Variants in LARP4B observed in about 807,000 individuals in gnomAD.
The protein encoded by LARP4B is la-related protein 4B.
A neutral mutation model predicts 89.8 loss-of-function variants in LARP4B; 12 were observed. The observed-to-expected ratio is 0.13, with a 90% CI of 0.09 to 0.22. The LOEUF (loss-of-function observed/expected upper bound fraction) is 0.22. Among genes scored for constraint, LARP4B ranks in the 10% least tolerant of loss-of-function variants. LARP4B has a pLI of 1.00. For synonymous variants in LARP4B, 367 were observed against 363.3 expected, an observed-to-expected ratio of 1.01 and a Z score of -0.12; for missense variants, 757 against 947.7, an observed-to-expected ratio of 0.80 and a Z score of 2.64.
At chr10:925,700 A>G (rs1681000587) in intron 1 of LARP4B, among the ~76,000 whole-genome samples, 1 of 152,010 alleles carries the variant, frequency 6.6e-6, no homozygotes, top group Non-Finnish European at 1.5e-5. Flanking sequence ...CGCCTGGCTA[A>G]TTTTTGTATT....
intron 3 of LARP4B, among the ~76,000 whole-genome samples, chr10:872,716 T>C (rs1395556818): frequency 6.6e-6 from 1 of 152,158 alleles, no homozygotes; most frequent in East Asian, 1.9e-4. Flanking sequence ...CCAGCACACA[T>C]GAGAAAAGCT....
intron 7 of LARP4B, among the ~76,000 whole-genome samples, chr10:840,115 G>T (rs1833449944): frequency 6.6e-6 from 1 of 151,908 alleles, no homozygotes. Context: ...TGGGGAGGGG[G>T]TAGAGGACGC....
At chr10:907,794 A>G (rs1005561787) in intron 1 of LARP4B, among the ~76,000 whole-genome samples, 10 of 152,256 alleles carry the variant, frequency 6.6e-5, no homozygotes, top group African/African-American at 1.9e-4. Context: ...AGACCGAGGC[A>G]GAATTAGACT....
intron 1 of LARP4B, among the ~76,000 whole-genome samples, chr10:915,278 T>C (rs1338833605): frequency 6.6e-6 from 1 of 152,020 alleles, no homozygotes; most frequent in Non-Finnish European, 1.5e-5. Flanking sequence ...GAGCAGACCC[T>C]GTCTCCAGGG....
At chr10:843,568 G>A (rs916367792) in intron 6 of LARP4B, among the ~76,000 whole-genome samples, 6 of 151,926 alleles carry the variant, frequency 3.9e-5, no homozygotes, top group African/African-American at 7.3e-5. Context: ...GCATGGTGGC[G>A]GGCACCTGTA....
At chr10:823,564 C>T (rs140547605) in intron 13 of LARP4B, among the ~76,000 whole-genome samples, 1 of 151,766 alleles carries the variant, frequency 6.6e-6, no homozygotes, top group Non-Finnish European at 1.5e-5. Flanking sequence ...ATGAACAAGG[C>T]ACACTGAAGA....
chr10:912,428 C>T (rs534927108), intron 1 of LARP4B, among the ~76,000 whole-genome samples: 45 of 152,256 alleles, frequency 3.0e-4, no homozygotes, highest in Non-Finnish European at 4.0e-4. Flanking sequence ...TCTAGATGCT[C>T]TGCCTTTCAT....
intron 1 of LARP4B, among the ~76,000 whole-genome samples, chr10:897,825 T>C (rs1252114566): frequency 1.3e-5 from 2 of 151,786 alleles, no homozygotes; most frequent in East Asian, 1.9e-4. Flanking sequence ...CTGTCTCTAC[T>C]TAAAATGCAA....
the LARP4B span, among the ~76,000 whole-genome samples, chr10:937,876 A>AT: frequency 3.3e-5 from 5 of 151,962 alleles, no homozygotes; most frequent in Non-Finnish European, 5.9e-5. Flanking sequence ...ATTTTATTTT[A>AT]TTTATTTTTA....
At chr10:885,481 A>T (rs572780154) in intron 2 of LARP4B, among the ~76,000 whole-genome samples, 160 bp downstream of exon 2, 1 of 152,172 alleles carries the variant, frequency 6.6e-6, no homozygotes, top group Non-Finnish European at 1.5e-5. Flanking sequence ...TGATCCTCAG[A>T]TGGGTAAGAA....
rs140407469 is a variant in LARP4B at position 817,399 on chromosome 10, T to C, written c.1695+326A>G. ...CAATTCAGATGTTTCCATTTCATTC[T>C]GTTGTTTTATAAAATAAAGGCAGGT... On this transcript the variant is annotated intron_variant, in intron 15 of 17. Transcript: ENST00000316157. Among the ~76,000 whole-genome samples the C allele has an allele frequency of 6.5e-3, 998 of 152,374 alleles. 8 individuals are homozygous for C. Among genetic ancestry groups the C allele is most frequent in the Non-Finnish European group, 0.011 (737 of 68,030 alleles).
chr10:854,644 C>T (rs934353295), intron 5 of LARP4B, among the ~76,000 whole-genome samples: 1 of 151,730 alleles, frequency 6.6e-6, no homozygotes, highest in Non-Finnish European at 1.5e-5. Flanking sequence ...ATGATGTAAA[C>T]AGATGTCCTG....
chr10:833,249 T>TAAAAAAAA lies in LARP4B; in HGVS notation c.751-2280_751-2273dup, dbSNP rs56788542. On this transcript the variant is annotated intron_variant, in intron 8 of 17. Transcript: ENST00000316157. ...AACACTAACGATAGCTGATGAGCTT[T>TAAAAAAAA]AAAAAAAAAAAAAAAAAAAAAAAAA... Among the ~76,000 whole-genome samples the TAAAAAAAA allele has an allele frequency of 1.2e-3, 64 of 52,038 alleles. 1 individual carries two copies. Among genetic ancestry groups the TAAAAAAAA allele is most frequent in the Admixed American group, 2.5e-3 (8 of 3,210 alleles). 34.1% of individuals were successfully genotyped at this position (52,038 alleles called of 152,430 possible). A position where few individuals can be genotyped will look rare whatever the true frequency, so the allele number is the denominator to read the frequency against.
chr10:885,662 C>T lies in LARP4B; in HGVS notation c.60G>A (p.Glu20=). The T allele has an allele frequency of 1.2e-6, 2 of 1,614,124 alleles. No individual in the cohort carries two copies. Among genetic ancestry groups the T allele is most frequent in the Non-Finnish European group, 1.7e-6 (2 of 1,179,980 alleles). ...CCACCAGATGAGCGCTGTCCTTGCCCTCCTGGACTCTCTGCGTCTGCGGTT... is the reference window on the plus strand; with the variant it reads ...CCACCAGATGAGCGCTGTCCTTGCCTTCCTGGACTCTCTGCGTCTGCGGTT... ...VAEPQTQRVQ[E]GKDSAHLMNG... Residue 20 remains glutamate (E), a synonymous_variant, in exon 2 of 18, where the codon GAG becomes GAA. Transcript: ENST00000316157.
chr10:959,989 C>T, the LARP4B span, among the ~76,000 whole-genome samples: 1 of 151,864 alleles, frequency 6.6e-6, no homozygotes, highest in South Asian at 2.1e-4. Context: ...ATGAATCACC[C>T]ACACATGGGC....
intron 6 of LARP4B, among the ~76,000 whole-genome samples, chr10:844,017 CA>C (rs1833657508): frequency 6.6e-6 from 1 of 152,232 alleles, no homozygotes; most frequent in Non-Finnish European, 1.5e-5. Flanking sequence ...ATGTAGTGAA[CA>C]AGGCCCTAAG....
chr10:830,855 G>C lies in LARP4B; in HGVS notation c.861+12C>G, dbSNP rs1832868919. On this transcript the variant is annotated intron_variant, in intron 9 of 17. Transcript: ENST00000316157. ...CTATGCAATTCATAGGGTGATGGTGGAAAGAACTTACCTGTTGTGCATCAG... is the reference window on the plus strand; with the variant it reads ...CTATGCAATTCATAGGGTGATGGTGCAAAGAACTTACCTGTTGTGCATCAG... 1.8e-6 allele frequency: 2 copies of C among 1,136,800 alleles called. No individual in the cohort carries two copies. Among genetic ancestry groups the C allele is most frequent in the African/African-American group, 3.1e-5 (2 of 65,158 alleles). 70.4% of individuals were successfully genotyped at this position (1,136,800 alleles called of 1,614,324 possible). A position where few individuals can be genotyped will look rare whatever the true frequency, so the allele number is the denominator to read the frequency against.
chr10:861,984 T>C (rs183164902), intron 5 of LARP4B, among the ~76,000 whole-genome samples: 368 of 152,310 alleles, frequency 2.4e-3, no homozygotes, highest in African/African-American at 8.4e-3. Flanking sequence ...GACTCTAACA[T>C]GACTCCAGTT....
the LARP4B span, among the ~76,000 whole-genome samples, chr10:968,810 C>T: frequency 9.2e-5 from 14 of 152,344 alleles, no homozygotes; most frequent in Non-Finnish European, 2.1e-4. Context: ...GCTTCCTGCG[C>T]GACAGCAAGC....
Sources: gnomAD v4.1 joint callset for allele counts (sites outside exome capture counted in the v4.1 genomes callset) on GRCh38, gnomAD v4.1.1 for gene constraint, MANE v1.5 for transcripts, NCBI Gene and HGNC (gene_info 2026-07-23, HGNC 2026-07-21) for gene names.